The following PAPPA2 variants were observed in gnomAD, a reference collection of about 807,000 sequenced individuals.
PAPPA2 encodes the protein pappalysin-2.
In PAPPA2, 86 loss-of-function variants were observed where a neutral mutation model predicts 176.4. The observed-to-expected ratio is 0.49, with a 90% CI of 0.41 to 0.58. The LOEUF is 0.58. PAPPA2 is among the 20% of genes least tolerant of loss of function. The probability of loss-of-function intolerance (pLI) is 0.00; values close to 1 mark genes in which losing one functional copy is unlikely to be tolerated. For missense variants in PAPPA2, 2,073 were observed against 2,256.9 expected, an observed-to-expected ratio of 0.92 and a Z score of 1.65; for synonymous variants, 809 against 852.2, an observed-to-expected ratio of 0.95 and a Z score of 0.88.
intron 3 of PAPPA2, among the ~76,000 whole-genome samples, chr1:176,615,477 A>T (rs1383646344): frequency 1.3e-5 from 2 of 151,054 alleles, no homozygotes; most frequent in African/African-American, 2.4e-5. Context: ...TGCCCGGCTA[A>T]TTTTTTTTTC....
intron 3 of PAPPA2, among the ~76,000 whole-genome samples, chr1:176,653,334 C>A (rs1348530048): frequency 6.6e-6 from 1 of 151,676 alleles, no homozygotes; most frequent in Non-Finnish European, 1.5e-5. Context: ...TGTAATGACA[C>A]CAACCCTCAA....
intron 1 of PAPPA2, among the ~76,000 whole-genome samples, chr1:176,526,486 A>T (rs1431252553): frequency 6.6e-6 from 1 of 152,222 alleles, no homozygotes; most frequent in African/African-American, 2.4e-5. Flanking sequence ...CAAAGGAAAA[A>T]GCCCTAGAAG....
chr1:176,540,181 T>C (rs1366431690), intron 1 of PAPPA2, among the ~76,000 whole-genome samples: 2 of 152,236 alleles, frequency 1.3e-5, no homozygotes, highest in East Asian at 1.9e-4. Flanking sequence ...CCATCCTCAA[T>C]TGCTGTGCAG....
chr1:176,728,356 A>G (rs531531313), intron 12 of PAPPA2, among the ~76,000 whole-genome samples: 1 of 152,110 alleles, frequency 6.6e-6, no homozygotes, highest in Non-Finnish European at 1.5e-5. Context: ...ACAGTTTAAT[A>G]CAAAATTAAG....
chr1:176,490,449 AC>A (rs534625834), intron 1 of PAPPA2, among the ~76,000 whole-genome samples: 42 of 152,250 alleles, frequency 2.8e-4, no homozygotes, highest in African/African-American at 9.9e-4. Context: ...CACAACAAAA[AC>A]AATTGTCCTC....
At chr1:176,581,902 T>TTTC (rs1324945117) in intron 2 of PAPPA2, among the ~76,000 whole-genome samples, 2 of 139,020 alleles carry the variant, frequency 1.4e-5, no homozygotes, top group East Asian at 3.9e-4. Context: ...ATTTTTCTTT[T>TTTC]TTTCTTTCTT....
At position 176,481,188 on chromosome 1, in the gene PAPPA2, G is replaced by T. The variant is rs12079468; in HGVS notation, c.-917+17770G>T. On this transcript the variant is annotated intron_variant, in intron 1 of 22. Transcript: ENST00000367662. ...TGATATTCCCATAAGGAAGCCGTTA[G>T]TTTGCCCACTACTTTAGATTCCATG... Among the ~76,000 whole-genome samples the T allele has an allele frequency of 6.0e-3, 916 of 151,810 alleles. 6 individuals carry two copies. The highest frequency in any genetic ancestry group is 0.021 in the African/African-American group (854 of 41,390).
chr1:176,639,184 A>G (rs1156712956), intron 3 of PAPPA2, among the ~76,000 whole-genome samples: 1 of 152,042 alleles, frequency 6.6e-6, no homozygotes, highest in Non-Finnish European at 1.5e-5. Flanking sequence ...TTCTTTCTCC[A>G]TTATGTTTCC....
At chr1:176,527,647 T>G (rs2102547105) in intron 1 of PAPPA2, among the ~76,000 whole-genome samples, 1 of 152,332 alleles carries the variant, frequency 6.6e-6, no homozygotes, top group Non-Finnish European at 1.5e-5. Context: ...TCTATTCCTC[T>G]CACCTGCAGG....
At chr1:176,546,207 T>C (rs1364073292) in intron 1 of PAPPA2, among the ~76,000 whole-genome samples, 1 of 152,194 alleles carries the variant, frequency 6.6e-6, no homozygotes, top group African/African-American at 2.4e-5. Flanking sequence ...CTCTAAAACC[T>C]GTAATGCCCC....
chr1:176,658,408 AT>A (rs1658143865), intron 3 of PAPPA2, among the ~76,000 whole-genome samples: 1 of 152,080 alleles, frequency 6.6e-6, no homozygotes, highest in Non-Finnish European at 1.5e-5. Context: ...ATTGAAACTC[AT>A]ATAAATATAT....
At chr1:176,677,039 TA>T (rs932668411) in intron 4 of PAPPA2, among the ~76,000 whole-genome samples, 6 of 152,270 alleles carry the variant, frequency 3.9e-5, no homozygotes, top group African/African-American at 1.4e-4. Context: ...TTTTCAGAAG[TA>T]AAAAACTAGA....
chr1:176,505,676 A>G (rs1000977530), intron 1 of PAPPA2, among the ~76,000 whole-genome samples: 6 of 152,072 alleles, frequency 3.9e-5, no homozygotes, highest in Non-Finnish European at 1.5e-5. Flanking sequence ...CAACAACAAC[A>G]AAAAGCCTGA....
rs564894291 is a variant in PAPPA2 at position 176,520,095 on chromosome 1, T to G, written c.-916-35312T>G. Among the ~76,000 whole-genome samples the G allele has an allele frequency of 2.6e-5, 4 of 152,290 alleles. No homozygotes were observed. In the East Asian group the frequency reaches 7.7e-4, roughly 29 times the overall value. ...CAGAGAGGGGACAAGAAGAAGGTCATCCCTTTGTAGCATTACCAGTTTTGT... is the reference window on the plus strand; with the variant it reads ...CAGAGAGGGGACAAGAAGAAGGTCAGCCCTTTGTAGCATTACCAGTTTTGT... On this transcript the variant is annotated intron_variant, in intron 1 of 22. Coordinates refer to ENST00000367662, the MANE Select transcript of PAPPA2 (RefSeq NM_020318.3).
intron 1 of PAPPA2, among the ~76,000 whole-genome samples, chr1:176,492,913 A>G (rs1398520959): frequency 2.0e-5 from 3 of 152,190 alleles, no homozygotes; most frequent in Admixed American, 2.0e-4. Context: ...ATAGATTTGA[A>G]ATATTTTTAA....
chr1:176,700,508 G>A (rs532939883), intron 8 of PAPPA2, among the ~76,000 whole-genome samples: 7 of 152,328 alleles, frequency 4.6e-5, no homozygotes, highest in Admixed American at 3.3e-4. Context: ...CAGATGGCCC[G>A]GGATGACTTC....
intron 1 of PAPPA2, among the ~76,000 whole-genome samples, chr1:176,522,002 T>A (rs1330967546): frequency 6.6e-6 from 1 of 152,108 alleles, no homozygotes; most frequent in East Asian, 1.9e-4. Flanking sequence ...TGTGGAAGAC[T>A]CCCCAACATT....
intron 1 of PAPPA2, among the ~76,000 whole-genome samples, chr1:176,510,255 ATGTT>A (rs1648512529): frequency 6.6e-6 from 1 of 152,222 alleles, no homozygotes; most frequent in Non-Finnish European, 1.5e-5. Context: ...GGTGGGGAAC[ATGTT>A]ATGAACAGAG....
At chr1:176,806,138 G>C (rs1416613123) in intron 21 of PAPPA2, among the ~76,000 whole-genome samples, 1 of 152,052 alleles carries the variant, frequency 6.6e-6, no homozygotes, top group Non-Finnish European at 1.5e-5. Flanking sequence ...TAAAGTTTGG[G>C]AGGAAATTTC....
Sources: allele counts gnomAD v4.1 joint callset (sites outside exome capture counted in the v4.1 genomes callset), GRCh38; gene constraint gnomAD v4.1.1; transcripts MANE v1.5; gene names NCBI Gene and HGNC (gene_info 2026-07-23, HGNC 2026-07-21).